Variants in TSNARE1 observed in about 807,000 individuals in gnomAD.
TSNARE1 encodes the protein t-SNARE domain containing 1.
TSNARE1 carries 49 observed loss-of-function variants against 62.0 expected under a neutral mutation model. That is an observed-to-expected ratio of 0.79 (90% CI 0.63 to 1.00). The LOEUF (loss-of-function observed/expected upper bound fraction) is 1.00. TSNARE1 is among the 50% of genes least tolerant of loss of function. The probability of loss-of-function intolerance (pLI) is 0.00; values close to 1 mark genes in which losing one functional copy is unlikely to be tolerated. For synonymous variants in TSNARE1, 328 were observed against 294.4 expected, an observed-to-expected ratio of 1.11 and a Z score of -1.17; for missense variants, 755 against 700.1, an observed-to-expected ratio of 1.08 and a Z score of -0.88.
chr8:142,359,322 G>A (rs1177021043), intron 1 of TSNARE1, among the ~76,000 whole-genome samples: 12 of 152,104 alleles, frequency 7.9e-5, no homozygotes, highest in Admixed American at 6.5e-4. Flanking sequence ...GAGGCTGCAC[G>A]CCCGCTGGAG....
rs533137731 is a variant in TSNARE1 at position 142,394,520 on chromosome 8, A to T, written c.-40+8584T>A. Among the ~76,000 whole-genome samples, 8 of 152,308 alleles carry T rather than the reference A, an allele frequency of 5.3e-5. No homozygotes were observed. The South Asian group carries it at 1.7e-3, about 32-fold the overall frequency. On this transcript the variant is annotated intron_variant, in intron 1 of 13. Coordinates refer to ENST00000524325, the MANE Select transcript of TSNARE1 (RefSeq NM_145003.5). ...TAGAACCTCCGGGGTTCCAAGGCAC[A>T]AATCGACTCACCTGGAAGTGCCCCA...
intron 11 of TSNARE1, 21 bp downstream of exon 11, chr8:142,284,392 G>A (rs371064278): frequency 7.8e-5 from 125 of 1,608,540 alleles, no homozygotes; most frequent in Non-Finnish European, 7.0e-5. Flanking sequence ...CAGGTGGCCC[G>A]AGGCTGGGGC....
At chr8:142,304,864 C>A (rs895370537) in intron 9 of TSNARE1, among the ~76,000 whole-genome samples, 2 of 152,214 alleles carry the variant, frequency 1.3e-5, no homozygotes, top group African/African-American at 4.8e-5. Context: ...CCCTGGAGAG[C>A]GGCATGACGG....
At chr8:142,389,716 G>C (rs2131339019) in intron 1 of TSNARE1, among the ~76,000 whole-genome samples, 1 of 152,298 alleles carries the variant, frequency 6.6e-6, no homozygotes, top group Non-Finnish European at 1.5e-5. Flanking sequence ...AAGGGAGGGA[G>C]GGATCCAAGG....
At chr8:142,233,742 G>A (rs1223870620) in intron 12 of TSNARE1, among the ~76,000 whole-genome samples, 1 of 152,176 alleles carries the variant, frequency 6.6e-6, no homozygotes, top group Admixed American at 6.5e-5. Context: ...GCTCCCTGCA[G>A]GGCGTACGCA....
At chr8:142,325,277 C>T (rs1389336323) in intron 6 of TSNARE1, among the ~76,000 whole-genome samples, 1 of 152,176 alleles carries the variant, frequency 6.6e-6, no homozygotes, top group Non-Finnish European at 1.5e-5. Context: ...CTGGGCGGAC[C>T]TGAAAGGCCA....
intron 11 of TSNARE1, chr8:142,277,562 C>T: frequency 1.0e-6 from 1 of 985,452 alleles, no homozygotes; most frequent in Non-Finnish European, 1.2e-6. Context: ...TCAGGCTTGG[C>T]AGCCACTTTC....
chr8:142,345,584 CAG>C (rs1360092639), intron 3 of TSNARE1, among the ~76,000 whole-genome samples, 157 bp downstream of exon 3: 2 of 152,184 alleles, frequency 1.3e-5, no homozygotes, highest in African/African-American at 2.4e-5. Flanking sequence ...TGACCCTACT[CAG>C]GGGAAGGCCT....
Position 142,344,170 on chromosome 8 carries a change from C to T in TSNARE1, c.541G>A (p.Val181Ile), listed in dbSNP as rs760905698. ...VNALGYCRRD[V>I]VDLKHKWRDL... ...CGCCACTTGTGCTTCAGGTCCACAACGTCGCGGCGACAGTAGCCCAGCGCA... is the reference window on the plus strand; with the variant it reads ...CGCCACTTGTGCTTCAGGTCCACAATGTCGCGGCGACAGTAGCCCAGCGCA... Residue 181 changes from valine (V) to isoleucine (I), a missense_variant, in exon 4 of 14, where the codon GTT (valine) becomes ATT (isoleucine). Transcript: ENST00000524325. 20 of 1,613,246 alleles carry T rather than the reference C, an allele frequency of 1.2e-5. No individual in the cohort carries two copies. In the South Asian group the frequency reaches 1.3e-4, roughly 11 times the overall value.
At chr8:142,328,428 T>C (rs1213307951) in intron 6 of TSNARE1, among the ~76,000 whole-genome samples, 4 of 152,346 alleles carry the variant, frequency 2.6e-5, no homozygotes, top group Middle Eastern at 3.4e-3. Context: ...TACCTTTACC[T>C]GTTCAGGAAA....
chr8:142,331,316 T>C (rs1830997383), intron 5 of TSNARE1, among the ~76,000 whole-genome samples: 2 of 152,218 alleles, frequency 1.3e-5, no homozygotes, highest in Non-Finnish European at 1.5e-5. Flanking sequence ...CCCCTGGCCG[T>C]GGCTCTCATC....
At chr8:142,274,958 C>G (rs1586945770) in intron 11 of TSNARE1, 95 bp from the exon 12 acceptor site, 1 of 1,400,044 alleles carries the variant, frequency 7.1e-7, no homozygotes, top group African/African-American at 1.5e-5. Flanking sequence ...GGAGCCTGAG[C>G]CCAGGGCCTG....
chr8:142,276,077 G>A (rs888010783), intron 11 of TSNARE1: 26 of 985,070 alleles, frequency 2.6e-5, no homozygotes, highest in Admixed American at 1.2e-4. Context: ...TGCCCCCAGC[G>A]CAGGGCCCTA....
chr8:142,386,371 C>A (rs999281372), intron 1 of TSNARE1, among the ~76,000 whole-genome samples: 8 of 152,036 alleles, frequency 5.3e-5, no homozygotes, highest in African/African-American at 1.9e-4. Flanking sequence ...CTCATATAGA[C>A]AAAAGTATAG....
chr8:142,368,542 A>AG (rs1835717573), intron 1 of TSNARE1, among the ~76,000 whole-genome samples: 1 of 152,188 alleles, frequency 6.6e-6, no homozygotes, highest in African/African-American at 2.4e-5. Flanking sequence ...CCAGGAGAGA[A>AG]GATGGGAGCA....
intron 13 of TSNARE1, among the ~76,000 whole-genome samples, chr8:142,222,427 C>G (rs142837854): frequency 1.1e-3 from 11 of 10,166 alleles, no homozygotes; most frequent in South Asian, 5.6e-3. Flanking sequence ...CATTCACTCA[C>G]TCACTCATCC....
intron 12 of TSNARE1, chr8:142,269,522 T>A (rs1446774838): frequency 1.0e-6 from 1 of 984,922 alleles, no homozygotes; most frequent in Non-Finnish European, 1.2e-6. Context: ...AGAAGCAAGG[T>A]TTTGCTATGC....
Position 142,258,088 on chromosome 8 carries a change from G to A in TSNARE1, c.1446+16693C>T, listed in dbSNP as rs796601505. On this transcript the variant is annotated intron_variant, in intron 12 of 13. Transcript: ENST00000524325. ...ACAAAACCTATGCTCATGCACACACGTACACACCTGCATGCAACATGCCTA... is the reference window on the plus strand; with the variant it reads ...ACAAAACCTATGCTCATGCACACACATACACACCTGCATGCAACATGCCTA... Among the ~76,000 whole-genome samples the A allele has an allele frequency of 1.5e-4, 23 of 152,052 alleles. No individual in the cohort carries two copies. The East Asian group carries it at 1.5e-3, about 10-fold the overall frequency.
chr8:142,346,953 G>A (rs1235027990), intron 2 of TSNARE1, among the ~76,000 whole-genome samples: 2 of 152,212 alleles, frequency 1.3e-5, no homozygotes, highest in Non-Finnish European at 2.9e-5. Context: ...AGGTGGGCGA[G>A]GGCCCAAAGG....
Sources: gnomAD v4.1 joint callset for allele counts (sites outside exome capture counted in the v4.1 genomes callset) on GRCh38, gnomAD v4.1.1 for gene constraint, MANE v1.5 for transcripts, NCBI Gene and HGNC (gene_info 2026-07-23, HGNC 2026-07-21) for gene names.